Variants in VAC14 observed in about 807,000 individuals in gnomAD.
VAC14 encodes protein VAC14 homolog.
In VAC14, 47 loss-of-function variants were observed where a neutral mutation model predicts 85.3. That is an observed-to-expected ratio of 0.55 (90% confidence interval 0.44 to 0.70). The LOEUF (loss-of-function observed/expected upper bound fraction) is 0.70, where lower values mean the gene tolerates loss of function less well. VAC14 is among the 30% of genes least tolerant of loss of function. VAC14 has a pLI of 0.00. For synonymous variants in VAC14, 447 were observed against 430.5 expected, an observed-to-expected ratio of 1.04 and a Z score of -0.47; for missense variants, 861 against 1,004.3, an observed-to-expected ratio of 0.86 and a Z score of 1.93.
At chr16:70,753,991 A>G (rs978784638) in intron 12 of VAC14, among the ~76,000 whole-genome samples, 1 of 152,142 alleles carries the variant, frequency 6.6e-6, no homozygotes, top group African/African-American at 2.4e-5. Flanking sequence ...TTCTCAGCCC[A>G]ACCTCTGCCT....
chr16:70,697,381 G>C, intron 15 of VAC14, 124 bp from the exon 16 acceptor site: 1 of 716,176 alleles, frequency 1.4e-6, no homozygotes, highest in Admixed American at 2.7e-5. Context: ...GGGGCAGCCA[G>C]AGCCAGCTTA....
chr16:70,758,094 A>G (rs1473158336), intron 12 of VAC14, among the ~76,000 whole-genome samples: 1 of 151,904 alleles, frequency 6.6e-6, no homozygotes, highest in Non-Finnish European at 1.5e-5. Flanking sequence ...ATAAGTGAAT[A>G]AAACCTACAA....
At chr16:70,779,904 A>G (rs1288239180) in intron 9 of VAC14, among the ~76,000 whole-genome samples, 1 of 151,922 alleles carries the variant, frequency 6.6e-6, no homozygotes, top group African/African-American at 2.4e-5. Flanking sequence ...GTGTGATCAT[A>G]GCTCACTGCA....
chr16:70,687,820 G>A lies in VAC14; in HGVS notation c.*108C>T. 8.1e-7 allele frequency: 1 copy of A among 1,232,144 alleles called. No homozygotes were observed. The highest frequency in any genetic ancestry group is 3.9e-5 in the Admixed American group (1 of 25,378). 76.3% of individuals were successfully genotyped at this position (1,232,144 alleles called of 1,614,324 possible). A position where few individuals can be genotyped will look rare whatever the true frequency, so the allele number is the denominator to read the frequency against. ...GCCCCAACACTGCCCTGGGTTGGCAGGCCCAGCCCTGGTCCTGACAGGCAG... is the reference window on the plus strand; with the variant it reads ...GCCCCAACACTGCCCTGGGTTGGCAAGCCCAGCCCTGGTCCTGACAGGCAG... On this transcript the variant is annotated 3_prime_UTR_variant, in exon 19 of 19. Transcript: ENST00000261776.
chr16:70,779,039 T>C (rs969465170), intron 9 of VAC14: 1 of 152,252 alleles, frequency 6.6e-6, no homozygotes, highest in African/African-American at 2.4e-5. Flanking sequence ...TTTCAGCTGC[T>C]GCATTGGCCG....
At chr16:70,784,000 T>G in intron 5 of VAC14, 113 bp downstream of exon 5, 1 of 811,740 alleles carries the variant, frequency 1.2e-6, no homozygotes, top group Non-Finnish European at 2.1e-6. Context: ...TGTTAATGGC[T>G]ATTCAAGGGA....
intron 9 of VAC14, among the ~76,000 whole-genome samples, chr16:70,774,768 C>T (rs1189076828): frequency 8.3e-6 from 1 of 119,948 alleles, no homozygotes; most frequent in Non-Finnish European, 1.6e-5. Flanking sequence ...TTTTTTGATA[C>T]GGTTTGACTC....
chr16:70,754,786 T>C (rs888848654), intron 12 of VAC14, among the ~76,000 whole-genome samples: 2 of 151,920 alleles, frequency 1.3e-5, no homozygotes, highest in African/African-American at 4.8e-5. Context: ...AAGATATCTG[T>C]GGAATTGAGG....
At chr16:70,691,665 G>A in intron 18 of VAC14, 1 of 985,486 alleles carries the variant, frequency 1.0e-6, no homozygotes, top group Non-Finnish European at 1.2e-6. Context: ...TGCCTTCTGG[G>A]GAAATGGGGC....
intron 1 of VAC14, among the ~76,000 whole-genome samples, chr16:70,791,416 G>A (rs1346769212): frequency 6.6e-6 from 1 of 151,976 alleles, no homozygotes; most frequent in Admixed American, 6.6e-5. Flanking sequence ...ACAGAGTCTC[G>A]CTCTGTTGCC....
At position 70,790,780 on chromosome 16, in the gene VAC14, C is replaced by T. The variant is rs115902447; in HGVS notation, c.105-4415G>A. 3.8e-3 allele frequency among the ~76,000 whole-genome samples: 572 copies of T among 152,274 alleles called. 5 individuals carry two copies. Among genetic ancestry groups the T allele is most frequent in the African/African-American group, 0.013 (534 of 41,550 alleles). On this transcript the variant is annotated intron_variant, in intron 1 of 18. Coordinates refer to ENST00000261776, the MANE Select transcript of VAC14 (RefSeq NM_018052.5). ...CAATTCAGAGCACCCCAGGCCACTA[C>T]AAAAATGACAGCCCATTCAGGCCCT...
rs1446625980 is a variant in VAC14 at position 70,693,594 on chromosome 16, A to AC, written c.2036-624dup. On this transcript the variant is annotated intron_variant, in intron 17 of 18. Transcript: ENST00000261776. ...CCACCCTGGCGGGGGAAAGAGATGC[A>AC]CCCGGGGGGCTGCCCAGCACTCATT... Among the ~76,000 whole-genome samples, 3 of 152,188 alleles carry AC rather than the reference A, an allele frequency of 2.0e-5. No individual in the cohort carries two copies. In the East Asian group the frequency reaches 5.8e-4, roughly 29 times the overall value.
At chr16:70,782,080 G>T in intron 7 of VAC14, 77 bp from the exon 8 acceptor site, 1 of 1,551,708 alleles carries the variant, frequency 6.4e-7, no homozygotes, top group East Asian at 2.3e-5. Flanking sequence ...CATACACGTG[G>T]GATGGGGCTG....
At chr16:70,691,982 T>C in intron 18 of VAC14, 3 of 985,030 alleles carry the variant, frequency 3.0e-6, no homozygotes, top group Non-Finnish European at 3.6e-6. Context: ...ACAGGGCATC[T>C]GATGCAAGCT....
intron 14 of VAC14, chr16:70,716,947 G>C (rs986115659): frequency 3.9e-5 from 6 of 152,258 alleles, no homozygotes; most frequent in Non-Finnish European, 8.8e-5. Context: ...GAAGGAGTTG[G>C]CTGCTTGGAG....
chr16:70,743,102 A>G (rs2030513591), intron 13 of VAC14, among the ~76,000 whole-genome samples: 1 of 151,618 alleles, frequency 6.6e-6, no homozygotes, highest in South Asian at 2.1e-4. Flanking sequence ...AAACGCACCA[A>G]TCAGGACTCT....
chr16:70,718,726 T>G (rs1180825492), intron 14 of VAC14, among the ~76,000 whole-genome samples: 2 of 152,036 alleles, frequency 1.3e-5, no homozygotes, highest in African/African-American at 4.8e-5. Flanking sequence ...TGGGGTTCTG[T>G]TAGGGCTGCC....
At position 70,688,096 on chromosome 16, in the gene VAC14, A is replaced by G. The variant is rs771709380; in HGVS notation, c.2187-6T>C. ...GGGCTGCCTTTAGACTGTCTCTGGG[A>G]AGAGGGAGCAGAAATGCTCAGTGTC... is the stretch of plus-strand genomic sequence containing the variant. On this transcript the variant is annotated splice_region_variant and splice_polypyrimidine_tract_variant and intron_variant, in intron 18 of 18. Coordinates refer to ENST00000261776, the MANE Select transcript of VAC14 (RefSeq NM_018052.5). 36 of 1,554,970 alleles carry G rather than the reference A, an allele frequency of 2.3e-5. No homozygotes were observed. The Admixed American group carries it at 6.6e-4, about 28-fold the overall frequency.
At chr16:70,704,975 G>A (rs919936215) in intron 14 of VAC14, among the ~76,000 whole-genome samples, 5 of 152,340 alleles carry the variant, frequency 3.3e-5, no homozygotes, top group African/African-American at 4.8e-5. Context: ...CAGGACCAGC[G>A]AAGTGACCAA....
Sources: allele counts gnomAD v4.1 joint callset (sites outside exome capture counted in the v4.1 genomes callset), GRCh38; gene constraint gnomAD v4.1.1; transcripts MANE v1.5; gene names NCBI Gene and HGNC (gene_info 2026-07-23, HGNC 2026-07-21).